Variants in YIPF7 observed in about 807,000 individuals in gnomAD.
YIPF7 encodes the protein protein YIPF7.
Under a neutral mutation model 27.2 loss-of-function variants are expected in YIPF7, and 35 were observed. The ratio of observed to expected loss-of-function variants is 1.29; its 90% CI spans 0.98 to 1.70. YIPF7 has a LOEUF of 1.70. Ranked by LOEUF, YIPF7 falls within the 40% of genes most tolerant of loss-of-function variation. YIPF7 has a pLI of 0.00. For missense variants in YIPF7, 358 were observed against 303.7 expected (o/e 1.18, Z -1.33); for synonymous variants, 137 against 110.4 (o/e 1.24, Z -1.51).
In YIPF7 at chr4:44,649,693, G is replaced by C. The variant is rs146487047; in HGVS notation, c.116+292C>G. Among the ~76,000 whole-genome samples, 294 of 151,618 alleles carry C rather than the reference G, an allele frequency of 1.9e-3. 2 individuals carry two copies. Among genetic ancestry groups the C allele is most frequent in the African/African-American group, 6.8e-3 (282 of 41,384 alleles). On this transcript the variant is annotated intron_variant, in intron 2 of 5. Transcript: ENST00000415895. Reference sequence around the variant, plus strand: ...ACATGCGAGGCTGAGGCACAGAATCGCTTGAACCCAGGAGGCAGAGACAGC... The same window carrying C: ...ACATGCGAGGCTGAGGCACAGAATCCCTTGAACCCAGGAGGCAGAGACAGC...
chr4:44,634,645 T>C (rs1713043193), intron 3 of YIPF7, among the ~76,000 whole-genome samples: 1 of 152,250 alleles, frequency 6.6e-6, no homozygotes, highest in Non-Finnish European at 1.5e-5. Flanking sequence ...AGTATGCATG[T>C]ATATTCATAC....
At chr4:44,655,757 G>A (rs1713882307), upstream of YIPF7, among the ~76,000 whole-genome samples, 1 of 151,824 alleles carries the variant, frequency 6.6e-6, no homozygotes, top group Admixed American at 6.6e-5. Flanking sequence ...TGCTCTTTTT[G>A]TTAGTACCAC....
intron 3 of YIPF7, among the ~76,000 whole-genome samples, chr4:44,632,179 T>C (rs567331053): frequency 6.6e-6 from 1 of 152,294 alleles, no homozygotes; most frequent in Admixed American, 6.5e-5. Flanking sequence ...TATTATAAGG[T>C]ATGTGAGTGA....
chr4:44,648,866 C>G (rs1713623692), intron 2 of YIPF7, among the ~76,000 whole-genome samples: 1 of 152,042 alleles, frequency 6.6e-6, no homozygotes, highest in Non-Finnish European at 1.5e-5. Flanking sequence ...ATGCCAAAGC[C>G]AGAATTTGAA....
At chr4:44,647,474 A>C (rs542432483) in intron 2 of YIPF7, among the ~76,000 whole-genome samples, 2 of 152,318 alleles carry the variant, frequency 1.3e-5, no homozygotes, top group South Asian at 4.1e-4. Context: ...ACAAAACAGA[A>C]CAGAGCTTAA....
intron 2 of YIPF7, among the ~76,000 whole-genome samples, chr4:44,658,455 A>G (rs973036216): frequency 2.0e-5 from 3 of 152,186 alleles, no homozygotes; most frequent in Non-Finnish European, 4.4e-5. Flanking sequence ...TGAATAGACT[A>G]AGACACTAAT....
At chr4:44,661,902 C>A (rs1272401687) in intron 1 of YIPF7, among the ~76,000 whole-genome samples, 1 of 152,174 alleles carries the variant, frequency 6.6e-6, no homozygotes, top group East Asian at 1.9e-4. Flanking sequence ...CCATCTCTAG[C>A]CAGCAGATAG....
At chr4:44,648,036 T>C (rs764476884) in intron 2 of YIPF7, among the ~76,000 whole-genome samples, 13 of 152,150 alleles carry the variant, frequency 8.5e-5, no homozygotes, top group South Asian at 6.2e-4. Context: ...CTTTATTTTA[T>C]AATAAGTCAT....
chr4:44,643,508 T>TTCAAGCAGGC (rs1319121535), intron 2 of YIPF7, among the ~76,000 whole-genome samples: 1 of 152,108 alleles, frequency 6.6e-6, no homozygotes, highest in African/African-American at 2.4e-5. Flanking sequence ...AAGGGAGGAA[T>TTCAAGCAGGC]TCAAGCAGGC....
chr4:44,629,618 T>C (rs749788009), intron 3 of YIPF7, 70 bp from the exon 4 acceptor site: 1 of 1,179,090 alleles, frequency 8.5e-7, no homozygotes, highest in South Asian at 2.0e-5. Context: ...GTTACACTCT[T>C]TAAAGGTTAA....
chr4:44,641,050 T>C (rs1713305891), intron 2 of YIPF7, among the ~76,000 whole-genome samples: 1 of 151,966 alleles, frequency 6.6e-6, no homozygotes, highest in African/African-American at 2.4e-5. Flanking sequence ...TTTGAGAGAG[T>C]CAAGGTGCTC....
intron 5 of YIPF7, 28 bp downstream of exon 5, chr4:44,624,573 G>A: frequency 1.3e-6 from 2 of 1,540,062 alleles, no homozygotes; most frequent in Non-Finnish European, 1.7e-6. Flanking sequence ...TGTGCATGTG[G>A]GGTCATTGAG....
At chr4:44,636,186 A>G (rs1336192676) in intron 2 of YIPF7, 101 bp from the exon 3 acceptor site, 9 of 1,260,766 alleles carry the variant, frequency 7.1e-6, no homozygotes, top group South Asian at 3.4e-5. Flanking sequence ...TGTAGTTTTT[A>G]TGAGTATTTA....
chr4:44,629,569 A>G, intron 3 of YIPF7, 21 bp from the exon 4 acceptor site: 3 of 1,489,572 alleles, frequency 2.0e-6, no homozygotes, highest in Non-Finnish European at 2.7e-6. Context: ...GAAAAAAGAT[A>G]AATAATATGA....
Position 44,622,436 on chromosome 4 carries a change from A to G in YIPF7, c.749T>C (p.Phe250Ser), listed in dbSNP as rs764742866. 9 of 1,613,248 alleles carry G rather than the reference A, an allele frequency of 5.6e-6. No individual in the cohort carries two copies. The highest frequency in any genetic ancestry group is 1.3e-5 in the African/African-American group (1 of 74,918). ...TCTTTAGAAAATTGTTAGGAGGGCAAAAAGTCCATAAAGTATGGCACAAGG... is the reference window on the plus strand; with the variant it reads ...TCTTTAGAAAATTGTTAGGAGGGCAGAAAGTCCATAAAGTATGGCACAAGG... ...AYPCAILYGL[F>S]ALLTIF Residue 250 changes from phenylalanine to serine, a missense_variant, in exon 6 of 6, where the codon TTT (phenylalanine) becomes TCT (serine). Coordinates refer to ENST00000415895, the MANE Select transcript of YIPF7 (RefSeq NM_182592.3).
At chr4:44,632,292 T>C (rs1336900385) in intron 3 of YIPF7, among the ~76,000 whole-genome samples, 1 of 152,232 alleles carries the variant, frequency 6.6e-6, no homozygotes, top group Non-Finnish European at 1.5e-5. Flanking sequence ...ATTGTTTTGC[T>C]GTCATCTAGT....
At chr4:44,642,001 G>A (rs953747659) in intron 2 of YIPF7, among the ~76,000 whole-genome samples, 1 of 151,948 alleles carries the variant, frequency 6.6e-6, no homozygotes, top group African/African-American at 2.4e-5. Flanking sequence ...TTTAATGTAA[G>A]CCTTTCCAGA....
chr4:44,631,970 A>C (rs1712917598), intron 3 of YIPF7, among the ~76,000 whole-genome samples: 1 of 152,176 alleles, frequency 6.6e-6, no homozygotes, highest in Admixed American at 6.5e-5. Flanking sequence ...AGTTTGGAAG[A>C]AATTCAGATG....
rs1440560438 is a variant in YIPF7, at chr4:44,651,565, T to C, written c.-13A>G. ...GATCAGACACATACCTCTGTTTATTTTTTATAGAAAGATCCTCCAGTAAAT... is the reference window on the plus strand; with the variant it reads ...GATCAGACACATACCTCTGTTTATTCTTTATAGAAAGATCCTCCAGTAAAT... On this transcript the variant is annotated 5_prime_UTR_variant, in exon 1 of 6. Transcript: ENST00000415895. 1 of 1,579,646 alleles carries C rather than the reference T, an allele frequency of 6.3e-7. No homozygotes were observed. The highest frequency in any genetic ancestry group is 1.8e-5 in the Admixed American group (1 of 55,204).
Sources: gnomAD v4.1 joint callset for allele counts (sites outside exome capture counted in the v4.1 genomes callset) on GRCh38, gnomAD v4.1.1 for gene constraint, MANE v1.5 for transcripts, NCBI Gene and HGNC (gene_info 2026-07-23, HGNC 2026-07-21) for gene names.